GALK2: variants seen among roughly 807,000 people sequenced by gnomAD.
GALK2 encodes N-acetylgalactosamine kinase.
Under a neutral mutation model 52.4 loss-of-function variants are expected in GALK2, and 36 were observed. That is an observed-to-expected ratio of 0.69 (90% CI 0.53 to 0.91). The LOEUF is 0.91. Among genes scored for constraint, GALK2 ranks in the 40% least tolerant of loss-of-function variants. GALK2 has a pLI of 0.00. For missense variants in GALK2, 579 were observed against 559.1 expected (o/e 1.04, Z -0.36); for synonymous variants, 176 against 199.1 (o/e 0.88, Z 0.98).
rs566617613 is a variant in GALK2, at chr15:49,354,940, T to C, written c.427-12551T>C. On this transcript the variant is annotated intron_variant, in intron 3 of 3. Transcript: ENST00000558399. ...CAAGTGGGTCCCTGACCCCTGACCC[T>C]CGAGCAGCCTAACTGGGAGGCACCC... 9.4e-3 allele frequency among the ~76,000 whole-genome samples: 1,430 copies of C among 151,786 alleles called. 12 individuals are homozygous for C. Among genetic ancestry groups the C allele is most frequent in the Non-Finnish European group, 0.011 (717 of 67,926 alleles).
At chr15:49,183,441 T>G (rs2141230540) in intron 1 of GALK2, among the ~76,000 whole-genome samples, 1 of 152,382 alleles carries the variant, frequency 6.6e-6, no homozygotes, top group Non-Finnish European at 1.5e-5. Flanking sequence ...AGGAACATAT[T>G]GTTTAATTGT....
intron 9 of GALK2, 56 bp from the exon 10 acceptor site, chr15:49,327,896 C>T: frequency 6.5e-7 from 1 of 1,536,468 alleles, no homozygotes; most frequent in East Asian, 2.3e-5. Context: ...AAACACCAAG[C>T]AAATCCCTTG....
chr15:49,244,743 TA>T (rs1369365414), intron 5 of GALK2, among the ~76,000 whole-genome samples: 1 of 151,862 alleles, frequency 6.6e-6, no homozygotes, highest in Non-Finnish European at 1.5e-5. Context: ...TTGTAGAACA[TA>T]AGGGGAATTC....
intron 1 of GALK2, among the ~76,000 whole-genome samples, chr15:49,179,652 CTT>C (rs71875041): frequency 0.04 from 5,458 of 138,136 alleles, 287 homozygotes; most frequent in African/African-American, 0.12. Context: ...TTGTTTCTTT[CTT>C]TTTTTTTTTT....
At chr15:49,188,725 A>G (rs910318937) in intron 1 of GALK2, among the ~76,000 whole-genome samples, 3 of 152,144 alleles carry the variant, frequency 2.0e-5, no homozygotes, top group Admixed American at 6.5e-5. Context: ...CTATCCCCTT[A>G]TAATTTTTTT....
At chr15:49,355,402 A>G (rs1290480980) in intron 3 of GALK2, among the ~76,000 whole-genome samples, 3 of 152,190 alleles carry the variant, frequency 2.0e-5, no homozygotes, top group Non-Finnish European at 2.9e-5. Flanking sequence ...TAAAGGAGCT[A>G]ATGGAGCTGA....
At chr15:49,345,648 C>CTA (rs2041367862) in intron 3 of GALK2, among the ~76,000 whole-genome samples, 1 of 152,136 alleles carries the variant, frequency 6.6e-6, no homozygotes, top group Admixed American at 6.5e-5. Context: ...CCATGCACTG[C>CTA]TATATGGTAA....
At chr15:49,286,854 C>T (rs1431168092) in intron 7 of GALK2, among the ~76,000 whole-genome samples, 1 of 152,084 alleles carries the variant, frequency 6.6e-6, no homozygotes, top group Non-Finnish European at 1.5e-5. Context: ...TGTTGCCTTC[C>T]TAAGGAGACC....
At chr15:49,228,686 T>TATATATGTATATATATATATATATAC (rs2090308393) in intron 3 of GALK2, among the ~76,000 whole-genome samples, 1 of 18,536 alleles carries the variant, frequency 5.4e-5, no homozygotes, top group African/African-American at 1.3e-4. Context: ...TATATATATA[T>TATATATGTATATATATATATATATAC]ATTTTTTTTT....
intron 7 of GALK2, 120 bp from the exon 8 acceptor site, chr15:49,292,207 T>C: frequency 1.2e-6 from 1 of 815,948 alleles, no homozygotes; most frequent in Non-Finnish European, 1.9e-6. Context: ...GAAAGTTGGA[T>C]AGGTTGAAAG....
rs114030288 is a variant in GALK2, at chr15:49,345,214, C to T, written c.427-22277C>T. Among the ~76,000 whole-genome samples, 865 of 152,250 alleles carry T rather than the reference C, an allele frequency of 5.7e-3. 9 individuals carry two copies. The highest frequency in any genetic ancestry group is 0.02 in the African/African-American group (823 of 41,542). On this transcript the variant is annotated intron_variant, in intron 3 of 3. Transcript: ENST00000558399. ...TATTATATACTATTGGTATTGAAAT[C>T]AAGAATTATGTTTTATTTCTTATAA...
intron 8 of GALK2, among the ~76,000 whole-genome samples, chr15:49,301,708 G>A (rs2051801466): frequency 6.6e-6 from 1 of 152,116 alleles, no homozygotes; most frequent in Non-Finnish European, 1.5e-5. Flanking sequence ...GGGTGGCCCA[G>A]CTGCTTAGCC....
At chr15:49,296,590 G>C (rs190886995) in intron 8 of GALK2, among the ~76,000 whole-genome samples, 3 of 129,186 alleles carry the variant, frequency 2.3e-5, no homozygotes, top group African/African-American at 9.0e-5. Flanking sequence ...ATATATAAGT[G>C]CATGTGTCTT....
intron 5 of GALK2, among the ~76,000 whole-genome samples, chr15:49,257,922 A>G (rs1473124278): frequency 2.0e-5 from 3 of 149,510 alleles, no homozygotes; most frequent in Non-Finnish European, 4.5e-5. Context: ...TATAATTGTA[A>G]TAAAATAACA....
intron 3 of GALK2, among the ~76,000 whole-genome samples, chr15:49,338,513 T>C (rs2040163215): frequency 6.6e-6 from 1 of 152,262 alleles, no homozygotes; most frequent in Non-Finnish European, 1.5e-5. Flanking sequence ...TCTGGTGGGC[T>C]TCCCTTTGTG....
intron 1 of GALK2, among the ~76,000 whole-genome samples, chr15:49,191,914 A>G (rs1380765220): frequency 6.6e-6 from 1 of 152,030 alleles, no homozygotes; most frequent in African/African-American, 2.4e-5. Flanking sequence ...CTGTAAGGAA[A>G]TGCTTTTCCT....
chr15:49,203,946 C>G (rs554911736), intron 2 of GALK2, among the ~76,000 whole-genome samples: 4 of 152,070 alleles, frequency 2.6e-5, no homozygotes, highest in Non-Finnish European at 5.9e-5. Flanking sequence ...GAAACCTCGT[C>G]TCTGCTAAAA....
chr15:49,161,495 C>A (rs2084650163), intron 1 of GALK2, among the ~76,000 whole-genome samples: 1 of 152,086 alleles, frequency 6.6e-6, no homozygotes, highest in South Asian at 2.1e-4. Flanking sequence ...AAGATACTCT[C>A]TTTTATTTTT....
intron 5 of GALK2, among the ~76,000 whole-genome samples, chr15:49,247,649 T>G (rs889853473): frequency 1.3e-5 from 2 of 152,152 alleles, no homozygotes; most frequent in African/African-American, 4.8e-5. Context: ...AAGTAATTGG[T>G]GAGTTCTAAG....
Sources: gnomAD v4.1 joint callset for allele counts (sites outside exome capture counted in the v4.1 genomes callset) on GRCh38, gnomAD v4.1.1 for gene constraint, MANE v1.5 for transcripts, NCBI Gene and HGNC (gene_info 2026-07-23, HGNC 2026-07-21) for gene names.